Variants in EDNRA observed in about 807,000 individuals in gnomAD.
The protein encoded by EDNRA is endothelin receptor type A, also known as endothelin-1 receptor.
In EDNRA, 11 loss-of-function variants were observed where a neutral mutation model predicts 41.4. The ratio of observed to expected loss-of-function variants is 0.27; its 90% confidence interval spans 0.17 to 0.44. The LOEUF (loss-of-function observed/expected upper bound fraction) is 0.44, where lower values mean the gene tolerates loss of function less well. Among genes scored for constraint, EDNRA ranks in the 20% least tolerant of loss-of-function variants. EDNRA has a pLI of 1.00. For missense variants in EDNRA, 294 were observed against 531.0 expected (o/e 0.55, Z 4.39); for synonymous variants, 172 against 183.0 (o/e 0.94, Z 0.49).
At position 147,535,989 on chromosome 4, in the gene EDNRA, A is replaced by G. The variant is rs1232272668; in HGVS notation, c.860A>G (p.Asn287Ser). Residue 287 changes from asparagine (N) to serine (S), a missense_variant, in exon 5 of 8, where the codon AAT (asparagine) becomes AGT (serine). Asn to Ser is a conservative substitution (Grantham distance 46, BLOSUM62 1). This residue lies in a region of EDNRA where 185 missense variants were observed against 390.8 expected (regional missense o/e 0.47). Coordinates refer to ENST00000651419, the MANE Select transcript of EDNRA (RefSeq NM_001957.4). Reference protein sequence around the residue: ...LMTCEMLNRRNGSLRIALSEH... With the variant: ...LMTCEMLNRRSGSLRIALSEH... Reference sequence around the variant, plus strand: ...ACTTGTGAGATGTTGAACAGAAGGAATGGCAGCTTGAGAATTGCCCTCAGT... The same window carrying G: ...ACTTGTGAGATGTTGAACAGAAGGAGTGGCAGCTTGAGAATTGCCCTCAGT... 1 of 1,614,038 alleles carries G rather than the reference A, an allele frequency of 6.2e-7. No homozygotes were observed. The highest frequency in any genetic ancestry group is 1.1e-5 in the South Asian group (1 of 91,072).
intron 2 of EDNRA, among the ~76,000 whole-genome samples, chr4:147,499,851 C>G (rs1169704986): frequency 4.1e-5 from 5 of 123,456 alleles, no homozygotes; most frequent in African/African-American, 1.6e-4. Flanking sequence ...GTCATCCAGG[C>G]TGGAGTGCAG....
At chr4:147,481,672 G>A (rs538194588) in intron 1 of EDNRA, among the ~76,000 whole-genome samples, 1 of 152,344 alleles carries the variant, frequency 6.6e-6, no homozygotes, top group South Asian at 2.1e-4. Context: ...AAGCCCAATA[G>A]TTTTCCCTGG....
chr4:147,510,814 T>G (rs1044249682), intron 2 of EDNRA, among the ~76,000 whole-genome samples: 4 of 152,124 alleles, frequency 2.6e-5, no homozygotes, highest in Non-Finnish European at 4.4e-5. Context: ...ACGGGAAGAA[T>G]GAAAAGAAAT....
chr4:147,535,980 A>G lies in EDNRA; in HGVS notation c.851A>G (p.Asn284Ser). The change falls in exon 5 of 8, where the codon AAC (asparagine) becomes AGC (serine). Residue 284 changes from asparagine to serine, a missense_variant. Physicochemically the swap from Asn to Ser is conservative, Grantham distance 46. Transcript: ENST00000651419. ...ACCCTCATGACTTGTGAGATGTTGA[A>G]CAGAAGGAATGGCAGCTTGAGAATT... ...FYTLMTCEML[N>S]RRNGSLRIAL... 1 of 1,613,950 alleles carries G rather than the reference A, an allele frequency of 6.2e-7. No individual in the cohort carries two copies. Among genetic ancestry groups the G allele is most frequent in the South Asian group, 1.1e-5 (1 of 91,068 alleles).
At chr4:147,538,963 A>C (rs936834803) in intron 5 of EDNRA, among the ~76,000 whole-genome samples, 2 of 152,208 alleles carry the variant, frequency 1.3e-5, no homozygotes, top group African/African-American at 4.8e-5. Context: ...TTCTAAATGC[A>C]TGCAATATAA....
chr4:147,520,263 C>G (rs1056970073), intron 3 of EDNRA, among the ~76,000 whole-genome samples: 7 of 152,126 alleles, frequency 4.6e-5, no homozygotes, highest in African/African-American at 1.7e-4. Context: ...ATGGAATAAA[C>G]TTTGTGAAAA....
chr4:147,532,079 G>A (rs1317420013), intron 3 of EDNRA, among the ~76,000 whole-genome samples: 5 of 144,092 alleles, frequency 3.5e-5, no homozygotes, highest in East Asian at 4.2e-4. Context: ...TTGGGAGGCC[G>A]AGGCAGACGG....
chr4:147,502,040 A>C (rs1046590701), intron 2 of EDNRA, among the ~76,000 whole-genome samples: 35 of 152,096 alleles, frequency 2.3e-4, no homozygotes, highest in African/African-American at 8.2e-4. Flanking sequence ...TTTCCTTTGG[A>C]TTATCTTAAA....
At chr4:147,532,092 C>G (rs1730762811) in intron 3 of EDNRA, among the ~76,000 whole-genome samples, 1 of 147,038 alleles carries the variant, frequency 6.8e-6, no homozygotes, top group Middle Eastern at 3.6e-3. Flanking sequence ...GCAGACGGAT[C>G]ACGAGGTCAG....
At chr4:147,540,036 GC>G (rs1731046130) in intron 6 of EDNRA, 86 bp downstream of exon 6, 1 of 1,491,918 alleles carries the variant, frequency 6.7e-7, no homozygotes, top group Non-Finnish European at 8.9e-7. Context: ...TACTCTACAT[GC>G]CCGTTAGCCC....
chr4:147,542,524 C>G lies in EDNRA; in HGVS notation c.1190C>G (p.Ser397Trp). Residue 397 changes from serine to tryptophan, a missense_variant, in exon 8 of 8, where the codon TCG becomes TGG. Physicochemically the swap from Ser to Trp is radical, Grantham distance 177. Around this residue, in one of 3 missense-constraint regions of EDNRA, gnomAD observed 185 missense variants for 390.8 expected, o/e 0.47. Transcript: ENST00000651419. ...CCYQSKSLMT[S>W]VPMNGTSIQW... ...TACCAGTCCAAAAGTCTGATGACCT[C>G]GGTCCCCATGAACGGAACAAGCATC... 3 of 1,614,100 alleles carry G rather than the reference C, an allele frequency of 1.9e-6. No individual in the cohort carries two copies. The highest frequency in any genetic ancestry group is 2.5e-6 in the Non-Finnish European group (3 of 1,180,018).
chr4:147,515,926 TATG>T (rs1200786306), intron 2 of EDNRA, among the ~76,000 whole-genome samples: 1 of 152,224 alleles, frequency 6.6e-6, no homozygotes, highest in African/African-American at 2.4e-5. Context: ...TTGTCAATTC[TATG>T]ATGTTGATTT....
intron 3 of EDNRA, among the ~76,000 whole-genome samples, chr4:147,529,592 GA>G (rs1210969731): frequency 6.6e-6 from 1 of 152,190 alleles, no homozygotes; most frequent in African/African-American, 2.4e-5. Context: ...GCATTTCAGA[GA>G]GGAGGGATTC....
At chr4:147,497,475 C>T (rs1461468787) in intron 2 of EDNRA, among the ~76,000 whole-genome samples, 1 of 152,088 alleles carries the variant, frequency 6.6e-6, no homozygotes, top group Non-Finnish European at 1.5e-5. Context: ...TCTAGGCTAG[C>T]CGTGCCTTCA....
chr4:147,500,868 C>T (rs961618911), intron 2 of EDNRA, among the ~76,000 whole-genome samples: 1 of 152,116 alleles, frequency 6.6e-6, no homozygotes, highest in African/African-American at 2.4e-5. Context: ...CATGGACTCT[C>T]AAAATGTGAG....
At chr4:147,516,214 G>A (rs1730110430) in intron 2 of EDNRA, among the ~76,000 whole-genome samples, 1 of 152,170 alleles carries the variant, frequency 6.6e-6, no homozygotes, top group Admixed American at 6.5e-5. Context: ...ACCTCCAAGG[G>A]CCTGCCCTGC....
intron 4 of EDNRA, among the ~76,000 whole-genome samples, chr4:147,534,020 A>G (rs1730835963): frequency 2.6e-5 from 4 of 152,028 alleles, no homozygotes; most frequent in African/African-American, 9.7e-5. Flanking sequence ...CTTGCTCTTC[A>G]ACTTTACCCT....
At chr4:147,520,288 A>G (rs770287436) in intron 3 of EDNRA, 12 of 460,596 alleles carry the variant, frequency 2.6e-5, no homozygotes, top group Non-Finnish European at 4.6e-5. Flanking sequence ...ATTCCAGGAT[A>G]TGCAAATCCT....
intron 1 of EDNRA, 46 bp downstream of exon 1, chr4:147,481,422 C>G (rs1728751937): frequency 6.6e-6 from 1 of 152,456 alleles, no homozygotes. Context: ...GGGGCGGGTG[C>G]GGGGATGGCG....
Sources: gnomAD v4.1 joint callset for allele counts (sites outside exome capture counted in the v4.1 genomes callset) on GRCh38, gnomAD v4.1.1 for gene constraint, gnomAD v4.1.1 regional missense constraint, MANE v1.5 for transcripts, NCBI Gene and HGNC (gene_info 2026-07-23, HGNC 2026-07-21) for gene names.